The following MYLK4 variants were observed in gnomAD, a reference collection of about 807,000 sequenced individuals.
MYLK4 encodes the protein caMLCK like.
A neutral mutation model predicts 48.1 loss-of-function variants in MYLK4; 46 were observed. That is an observed-to-expected ratio of 0.96 (90% CI 0.75 to 1.22). The LOEUF (loss-of-function observed/expected upper bound fraction) is 1.22, where lower values mean the gene tolerates loss of function less well. MYLK4 is among the 50% of genes most tolerant of loss of function. MYLK4 has a pLI of 0.00. For synonymous variants in MYLK4, 170 were observed against 180.8 expected (o/e 0.94, Z 0.48); for missense variants, 451 against 486.1 (o/e 0.93, Z 0.68).
At chr6:2,688,265 G>A (rs899391487) in intron 4 of MYLK4, among the ~76,000 whole-genome samples, 5 of 152,074 alleles carry the variant, frequency 3.3e-5, no homozygotes, top group Admixed American at 2.6e-4. Flanking sequence ...CACCATGTTG[G>A]CCAGGATGGT....
intron 2 of MYLK4, among the ~76,000 whole-genome samples, chr6:2,724,327 A>G (rs1763173449): frequency 6.6e-6 from 1 of 152,154 alleles, no homozygotes; most frequent in African/African-American, 2.4e-5. Flanking sequence ...TGAGGTTCCA[A>G]AAAGGAGTTG....
rs35133716 is a variant in MYLK4, at chr6:2,690,823, C to CTTTTTTTTT, written c.236-1876_236-1868dup. Among the ~76,000 whole-genome samples the CTTTTTTTTT allele has an allele frequency of 8.9e-4, 79 of 88,858 alleles. 4 individuals carry two copies. Among genetic ancestry groups the CTTTTTTTTT allele is most frequent in the African/African-American group, 3.0e-3 (64 of 21,376 alleles). The allele number at this position is 88,858 out of a possible 152,430, so 58.3% of individuals were successfully genotyped here. Reference sequence around the variant, plus strand: ...AAAAGAAGCAATAATCTCTCTGAATCTTTTTTTTTTTTTTTTTTTTTTTTG... The same window carrying CTTTTTTTTT: ...AAAAGAAGCAATAATCTCTCTGAATCTTTTTTTTTTTTTTTTTTTTTTTTTTTTTTTTTG... On this transcript the variant is annotated intron_variant, in intron 3 of 12. Coordinates refer to ENST00000274643, the MANE Select transcript of MYLK4 (RefSeq NM_001012418.5).
the MYLK4 span, among the ~76,000 whole-genome samples, chr6:2,761,208 AAGAC>A: frequency 6.6e-6 from 1 of 152,172 alleles, no homozygotes; most frequent in Non-Finnish European, 1.5e-5. Context: ...GTGGGGAAGG[AAGAC>A]AGAGAAGATA....
chr6:2,688,952 G>A lies in MYLK4; in HGVS notation c.240C>T (p.Asp80=). Residue 80 remains aspartate (D), a synonymous_variant, in exon 4 of 13, where the codon GAC becomes GAT. Coordinates refer to ENST00000274643, the MANE Select transcript of MYLK4 (RefSeq NM_001012418.5). The stretch of plus-strand genomic sequence containing the variant: ...CAAATGGGGCCGGAGGAGCCGGGAT[G>A]TCAACTAGAAGGTGAGAGAAACAGA... ...KSKRTSALAV[D]IPAPPAPFDH... The A allele has an allele frequency of 8.7e-6, 14 of 1,614,102 alleles. No individual in the cohort carries two copies. Among genetic ancestry groups the A allele is most frequent in the Non-Finnish European group, 1.2e-5 (14 of 1,179,924 alleles).
chr6:2,749,346 C>G lies in MYLK4; in HGVS notation c.-52G>C. 1.4e-6 allele frequency: 2 copies of G among 1,450,060 alleles called. No individual in the cohort carries two copies. Among genetic ancestry groups the G allele is most frequent in the Non-Finnish European group, 1.9e-6 (2 of 1,046,560 alleles). 89.8% of individuals were successfully genotyped at this position (1,450,060 alleles called of 1,614,324 possible). On this transcript the variant is annotated 5_prime_UTR_variant, in exon 2 of 13. Coordinates refer to ENST00000274643, the MANE Select transcript of MYLK4 (RefSeq NM_001012418.5). ...TTTCTGGAGTGTGGTTTTCGTCTCC[C>G]TCTGTCTCCGATTTATAAATCAGGA...
intron 12 of MYLK4, 61 bp downstream of exon 12, chr6:2,671,215 A>G: frequency 1.7e-6 from 2 of 1,176,486 alleles, no homozygotes; most frequent in South Asian, 2.6e-5. Flanking sequence ...TGCTCCATTT[A>G]TTTCTTATTC....
intron 2 of MYLK4, among the ~76,000 whole-genome samples, chr6:2,701,307 A>G (rs1322837230): frequency 6.6e-6 from 1 of 151,298 alleles, no homozygotes; most frequent in African/African-American, 2.4e-5. Flanking sequence ...CCTGTCTCCC[A>G]CTCTGAGCCT....
chr6:2,765,599 G>T, the MYLK4 span: 46 of 1,489,244 alleles, frequency 3.1e-5, no homozygotes, highest in Admixed American at 9.9e-4. Flanking sequence ...GCCGCGCCGG[G>T]CGCCGGGGAG....
In MYLK4 at chr6:2,732,326, C is replaced by T. The variant is rs973534; in HGVS notation, c.159+16810G>A. On this transcript the variant is annotated intron_variant, in intron 2 of 12. Transcript: ENST00000274643. The stretch of plus-strand genomic sequence containing the variant: ...CCAGATGAGAACAATGGCGCTAACC[C>T]CATATTTCAAATACCCACTCAGCAA... Among the ~76,000 whole-genome samples, 579 of 152,240 alleles carry T rather than the reference C, an allele frequency of 3.8e-3. 2 individuals carry two copies. The highest frequency in any genetic ancestry group is 0.013 in the African/African-American group (551 of 41,532).
In MYLK4 at chr6:2,720,641, G is replaced by C. The variant is rs185891727; in HGVS notation, c.160-27782C>G. Among the ~76,000 whole-genome samples, 538 of 152,154 alleles carry C rather than the reference G, an allele frequency of 3.5e-3. 4 individuals carry two copies. Among genetic ancestry groups the C allele is most frequent in the Middle Eastern group, 3.4e-3 (1 of 294 alleles). On this transcript the variant is annotated intron_variant, in intron 2 of 12. Transcript: ENST00000274643. ...AATCTATGTCACAAGAATAGGATTCGTGTAAAAGAAACATTCAGAGAATAA... is the reference window on the plus strand; with the variant it reads ...AATCTATGTCACAAGAATAGGATTCCTGTAAAAGAAACATTCAGAGAATAA...
intron 2 of MYLK4, among the ~76,000 whole-genome samples, chr6:2,721,846 T>A (rs1763080574): frequency 6.6e-6 from 1 of 152,252 alleles, no homozygotes; most frequent in Non-Finnish European, 1.5e-5. Context: ...TTTGGACTTC[T>A]CAACAGCTGC....
At chr6:2,766,189 G>C in the MYLK4 span, 1 of 1,390,444 alleles carries the variant, frequency 7.2e-7, no homozygotes. Flanking sequence ...CGGGGCACTG[G>C]GACGCGGACG....
intron 1 of MYLK4, 115 bp from the exon 2 acceptor site, chr6:2,749,521 CA>C: frequency 2.7e-6 from 1 of 368,408 alleles, no homozygotes; most frequent in Non-Finnish European, 4.9e-6. Flanking sequence ...AGAGAGGATC[CA>C]AAATCAGGAA....
At chr6:2,709,681 G>A (rs1221033062) in intron 2 of MYLK4, among the ~76,000 whole-genome samples, 1 of 152,210 alleles carries the variant, frequency 6.6e-6, no homozygotes, top group African/African-American at 2.4e-5. Flanking sequence ...AGATTGAATT[G>A]AGTTGAGAAC....
chr6:2,691,756 G>T (rs1729354063), intron 3 of MYLK4, among the ~76,000 whole-genome samples: 1 of 151,962 alleles, frequency 6.6e-6, no homozygotes, highest in South Asian at 2.1e-4. Flanking sequence ...TCTACCAGTT[G>T]GTAGAAAACA....
At chr6:2,745,157 G>T (rs755002979) in intron 2 of MYLK4, among the ~76,000 whole-genome samples, 2 of 152,188 alleles carry the variant, frequency 1.3e-5, no homozygotes, top group African/African-American at 4.8e-5. Flanking sequence ...CGAATGGTTG[G>T]CTGAGAATAT....
intron 2 of MYLK4, among the ~76,000 whole-genome samples, chr6:2,698,900 A>C (rs1762168629): frequency 6.6e-6 from 1 of 152,230 alleles, no homozygotes; most frequent in South Asian, 2.1e-4. Flanking sequence ...GGGGACTGGC[A>C]TGGCTCAAGG....
intron 6 of MYLK4, among the ~76,000 whole-genome samples, chr6:2,684,186 G>A (rs772292396): frequency 4.6e-5 from 7 of 152,148 alleles, no homozygotes; most frequent in Non-Finnish European, 1.0e-4. Context: ...CACAAGCATG[G>A]CGATGCCTCC....
chr6:2,668,418 T>C (rs1760747603), intron 12 of MYLK4, among the ~76,000 whole-genome samples: 2 of 152,282 alleles, frequency 1.3e-5, no homozygotes, highest in South Asian at 4.2e-4. Flanking sequence ...TCCCATAAGT[T>C]GGCAAAAGAT....
Sources: allele counts gnomAD v4.1 joint callset (sites outside exome capture counted in the v4.1 genomes callset), GRCh38; gene constraint gnomAD v4.1.1; transcripts MANE v1.5; gene names NCBI Gene and HGNC (gene_info 2026-07-23, HGNC 2026-07-21).